AGAP3: variants seen among roughly 807,000 people sequenced by gnomAD.
The protein encoded by AGAP3 is ArfGAP with GTPase domain, ankyrin repeat and PH domain 3, also known as arf-GAP with GTPase, ANK repeat and PH domain-containing protein 3.
AGAP3 carries 24 observed loss-of-function variants against 96.9 expected under a neutral mutation model. The observed-to-expected ratio is 0.25, with a 90% CI of 0.18 to 0.35. The LOEUF (loss-of-function observed/expected upper bound fraction) is 0.35, where lower values mean the gene tolerates loss of function less well. Among genes scored for constraint, AGAP3 ranks in the 10% least tolerant of loss-of-function variants. The pLI is 1.00. For missense variants in AGAP3, 876 were observed against 1,254.2 expected (o/e 0.70, Z 4.55); for synonymous variants, 563 against 536.1 (o/e 1.05, Z -0.69).
rs563222396 is a variant in AGAP3 at position 151,122,270 on chromosome 7, G to C, written c.1129-1524G>C. ...GGGATGGGGCGGTGCCGCCTGTGGA[G>C]CTGCTGGGTGGCACTTTGCTCTCCG... is the stretch of plus-strand genomic sequence containing the variant. On this transcript the variant is annotated intron_variant, in intron 8 of 17. Coordinates refer to ENST00000397238, the MANE Select transcript of AGAP3 (RefSeq NM_031946.7). Among the ~76,000 whole-genome samples the C allele has an allele frequency of 5.0e-4, 76 of 152,352 alleles. 1 individual carries two copies. The highest frequency in any genetic ancestry group is 1.7e-3 in the African/African-American group (72 of 41,588).
At chr7:151,125,897 C>T (rs2150501544) in intron 9 of AGAP3, among the ~76,000 whole-genome samples, 1 of 152,342 alleles carries the variant, frequency 6.6e-6, no homozygotes, top group Non-Finnish European at 1.5e-5. Flanking sequence ...CGCGCCTCTG[C>T]GCCGTTCCCA....
chr7:151,125,085 C>T (rs889477624), intron 9 of AGAP3, among the ~76,000 whole-genome samples: 5 of 152,170 alleles, frequency 3.3e-5, no homozygotes, highest in African/African-American at 1.2e-4. Flanking sequence ...AAACCTGTTG[C>T]TCATTTGATC....
chr7:151,131,527 G>A (rs780216695), intron 10 of AGAP3, among the ~76,000 whole-genome samples: 1 of 152,180 alleles, frequency 6.6e-6, no homozygotes, highest in Non-Finnish European at 1.5e-5. Flanking sequence ...GCTGACGGAG[G>A]GAAACGCTGC....
intron 9 of AGAP3, among the ~76,000 whole-genome samples, chr7:151,127,088 G>A (rs1049839115): frequency 1.3e-5 from 2 of 152,222 alleles, no homozygotes; most frequent in African/African-American, 4.8e-5. Flanking sequence ...CTGTTGGGGA[G>A]GGAGAGGTCC....
At chr7:151,088,766 C>T (rs1245075403) in intron 1 of AGAP3, among the ~76,000 whole-genome samples, 1 of 152,186 alleles carries the variant, frequency 6.6e-6, no homozygotes, top group East Asian at 1.9e-4. Context: ...TCTGGTTGAG[C>T]ATCTTTTGTG....
intron 1 of AGAP3, among the ~76,000 whole-genome samples, chr7:151,113,109 C>A (rs1799368860): frequency 6.6e-6 from 1 of 152,150 alleles, no homozygotes; most frequent in African/African-American, 2.4e-5. Context: ...AACAGCCATT[C>A]CCTGTTGTGC....
At chr7:151,122,610 C>A in intron 8 of AGAP3, 2 of 1,208,624 alleles carry the variant, frequency 1.7e-6, no homozygotes, top group Non-Finnish European at 1.2e-6. Context: ...TCCTCCTCTT[C>A]ATCCCGCTGC....
intron 1 of AGAP3, among the ~76,000 whole-genome samples, chr7:151,091,721 A>G (rs1446420301): frequency 6.6e-6 from 1 of 152,198 alleles, no homozygotes; most frequent in East Asian, 1.9e-4. Flanking sequence ...CTCAGGCTGC[A>G]TGGCCTCGTG....
intron 1 of AGAP3, among the ~76,000 whole-genome samples, chr7:151,091,894 G>A (rs1798413889): frequency 1.3e-5 from 2 of 152,122 alleles, no homozygotes; most frequent in Admixed American, 6.5e-5. Context: ...GGGTCCGGAG[G>A]ATTCCCACAT....
In AGAP3 at chr7:151,086,903, C is replaced by T; in HGVS notation, c.162C>T (p.Ala54=). Residue 54 remains alanine, a synonymous_variant, in exon 1 of 18, where the codon GCC becomes GCT. Coordinates refer to ENST00000397238, the MANE Select transcript of AGAP3 (RefSeq NM_031946.7). ...GGGGGPSQQL[A]GGPPQQFALS... ...GCGGCGGCCCCTCGCAGCAGCTGGC[C>T]GGCGGGCCCCCCCAGCAGTTCGCGC... 1 of 1,467,990 alleles carries T rather than the reference C, an allele frequency of 6.8e-7. No individual in the cohort carries two copies. The highest frequency in any genetic ancestry group is 9.1e-7 in the Non-Finnish European group (1 of 1,101,884). 90.9% of individuals were successfully genotyped at this position (1,467,990 alleles called of 1,614,324 possible). A position where few individuals can be genotyped will look rare whatever the true frequency, so the allele number is the denominator to read the frequency against.
chr7:151,120,044 C>A lies in AGAP3; in HGVS notation c.1027C>A (p.Pro343Thr). 1 of 1,614,034 alleles carries A rather than the reference C, an allele frequency of 6.2e-7. No individual in the cohort carries two copies. Among genetic ancestry groups the A allele is most frequent in the Non-Finnish European group, 8.5e-7 (1 of 1,179,942 alleles). Reference sequence around the variant, plus strand: ...CTACTCGTCCTCAGTCCCCTCCACCCCCAGCATCAGCCAGCGGGAGCTGCG... The same window carrying A: ...CTACTCGTCCTCAGTCCCCTCCACCACCAGCATCAGCCAGCGGGAGCTGCG... ...SDYSSSVPST[P>T]SISQRELRIE... is the part of the protein sequence containing the mutation. The change falls in exon 8 of 18, where the codon CCC (proline) becomes ACC (threonine). Residue 343 changes from proline (P) to threonine (T), a missense_variant. Coordinates refer to ENST00000397238, the MANE Select transcript of AGAP3 (RefSeq NM_031946.7).
At chr7:151,087,179 T>G (rs779181026) in intron 1 of AGAP3, 107 bp downstream of exon 1, 14 of 1,265,090 alleles carry the variant, frequency 1.1e-5, no homozygotes, top group South Asian at 2.6e-5. Context: ...CGGGGGTCCT[T>G]GCGCGCTTGA....
chr7:151,101,405 A>G (rs1585046651), intron 1 of AGAP3, among the ~76,000 whole-genome samples: 1 of 152,062 alleles, frequency 6.6e-6, no homozygotes, highest in Admixed American at 6.5e-5. Flanking sequence ...GTTGGCAGGG[A>G]TATCAGGATC....
At chr7:151,126,392 G>A (rs1441978964) in intron 9 of AGAP3, among the ~76,000 whole-genome samples, 2 of 150,798 alleles carry the variant, frequency 1.3e-5, no homozygotes, top group African/African-American at 4.9e-5. Flanking sequence ...GGGCGGGGCC[G>A]GCCGTGGAGT....
At chr7:151,104,931 C>T (rs1319869176) in intron 1 of AGAP3, among the ~76,000 whole-genome samples, 1 of 152,190 alleles carries the variant, frequency 6.6e-6, no homozygotes, top group Non-Finnish European at 1.5e-5. Flanking sequence ...TAGAGCCAAC[C>T]CAGTGGCCTG....
chr7:151,127,589 G>A (rs1800231086), intron 9 of AGAP3, among the ~76,000 whole-genome samples: 2 of 152,196 alleles, frequency 1.3e-5, no homozygotes, highest in Admixed American at 1.3e-4. Flanking sequence ...GGATGGTGAT[G>A]CTGGTCCTGG....
chr7:151,128,724 A>C, intron 10 of AGAP3, 40 bp downstream of exon 10: 12 of 1,099,022 alleles, frequency 1.1e-5, no homozygotes, highest in Non-Finnish European at 1.6e-5. Flanking sequence ...GAGTATGGGG[A>C]GGGGGTGGAG....
Position 151,141,004 on chromosome 7 carries a change from T to G in AGAP3, c.1804+888T>G, listed in dbSNP as rs576183911. The G allele has an allele frequency of 6.6e-6, 1 of 152,270 alleles. No homozygotes were observed. Among genetic ancestry groups the G allele is most frequent in the African/African-American group, 2.4e-5 (1 of 41,506 alleles). 9.4% of individuals were successfully genotyped at this position (152,270 alleles called of 1,614,324 possible). ...GAATTCCAGGGGATGTCGGTGTCAC[T>G]GAGGTGAGGCTGCCTGGGGCCAAGA... On this transcript the variant is annotated intron_variant, in intron 13 of 17. Coordinates refer to ENST00000397238, the MANE Select transcript of AGAP3 (RefSeq NM_031946.7). This position sits in a 1 kb window ranked among gnomAD's most constrained non-coding sequence, Gnocchi z 4.2.
chr7:151,092,951 G>T lies in AGAP3; in HGVS notation c.331+5879G>T, dbSNP rs115009131. Among the ~76,000 whole-genome samples, 1,132 of 152,168 alleles carry T rather than the reference G, an allele frequency of 7.4e-3. 7 individuals carry two copies. Among genetic ancestry groups the T allele is most frequent in the African/African-American group, 0.026 (1,066 of 41,506 alleles). On this transcript the variant is annotated intron_variant, in intron 1 of 17. Coordinates refer to ENST00000397238, the MANE Select transcript of AGAP3 (RefSeq NM_031946.7). The stretch of plus-strand genomic sequence containing the variant: ...AATTTTAGGGTGAATTAGGCCTCCT[G>T]CTCCCTACTATAATTTTCTTCTGCT...
Sources: allele counts gnomAD v4.1 joint callset (sites outside exome capture counted in the v4.1 genomes callset), GRCh38; gene constraint gnomAD v4.1.1; non-coding constraint Gnocchi (gnomAD v3.1); transcripts MANE v1.5; gene names NCBI Gene and HGNC (gene_info 2026-07-23, HGNC 2026-07-21).